TBXAS1: variants seen among roughly 807,000 people sequenced by gnomAD.
TBXAS1 encodes thromboxane A synthase 1, also known as thromboxane-A synthase.
In TBXAS1, 48 loss-of-function variants were observed where a neutral mutation model predicts 60.7. That is an observed-to-expected ratio of 0.79 (90% CI 0.63 to 1.01). The LOEUF (loss-of-function observed/expected upper bound fraction) is 1.01. Among genes scored for constraint, TBXAS1 ranks in the 50% least tolerant of loss-of-function variants. The pLI, the probability that TBXAS1 is intolerant of heterozygous loss-of-function variation, is 0.00. For synonymous variants in TBXAS1, 287 were observed against 269.7 expected (o/e 1.06, Z -0.63); for missense variants, 685 against 686.3 (o/e 1.00, Z 0.02).
At chr7:139,828,219 G>A (rs1468256113), upstream of TBXAS1, among the ~76,000 whole-genome samples, 1 of 152,026 alleles carries the variant, frequency 6.6e-6, no homozygotes, top group Non-Finnish European at 1.5e-5. Flanking sequence ...GGGTTAATTT[G>A]AAGACCTTGT....
intron 1 of TBXAS1, among the ~76,000 whole-genome samples, chr7:139,862,085 T>A (rs1801011979): frequency 6.6e-6 from 1 of 152,174 alleles, no homozygotes; most frequent in African/African-American, 2.4e-5. Context: ...GACAACAGAT[T>A]TAGTGGGTAA....
intron 4 of TBXAS1, among the ~76,000 whole-genome samples, chr7:139,932,943 G>A (rs1807450518): frequency 6.6e-6 from 1 of 152,160 alleles, no homozygotes; most frequent in Non-Finnish European, 1.5e-5. Flanking sequence ...TCTAGTCCCA[G>A]CTACTCAGGA....
At position 139,852,182 on chromosome 7, in the gene TBXAS1, C is replaced by G. The variant is rs1800263115; in HGVS notation, c.90-20053C>G. ...CTGTGAGATAATGAATGTTTGTTGT[C>G]TTCAGTCACTTAGGTCTGGGGGCAA... On this transcript the variant is annotated intron_variant, in intron 1 of 12. Transcript: ENST00000448866. The surrounding 1 kb of genome is among the most constrained non-coding windows in gnomAD (Gnocchi z 4.4). Among the ~76,000 whole-genome samples, 1 of 152,216 alleles carries G rather than the reference C, an allele frequency of 6.6e-6. No homozygotes were observed. The highest frequency in any genetic ancestry group is 2.1e-4 in the South Asian group (1 of 4,826).
rs1461692307 is a variant in TBXAS1, at chr7:139,876,588, G to A, written c.236+951G>A. On this transcript the variant is annotated intron_variant, in intron 3 of 12. Transcript: ENST00000448866. Reference sequence around the variant, plus strand: ...TATCTCCATAGTATTCATGATGTCTGTTCTCCTGATACCCATTTTTGAAAG... The same window carrying A: ...TATCTCCATAGTATTCATGATGTCTATTCTCCTGATACCCATTTTTGAAAG... Among the ~76,000 whole-genome samples, 6 of 152,048 alleles carry A rather than the reference G, an allele frequency of 3.9e-5. No individual in the cohort carries two copies. The South Asian group carries it at 1.0e-3, about 26-fold the overall frequency.
rs575213586 is a variant in TBXAS1 at position 139,969,761 on chromosome 7, G to A, written c.1134+7528G>A. Reference sequence around the variant, plus strand: ...CCACAGTTGGTGAGGAGTAAGTTCAGGAGTTCCCCATCAATTCAGTCCCCC... The same window carrying A: ...CCACAGTTGGTGAGGAGTAAGTTCAAGAGTTCCCCATCAATTCAGTCCCCC... On this transcript the variant is annotated intron_variant, in intron 9 of 12. Transcript: ENST00000448866. Among the ~76,000 whole-genome samples the A allele has an allele frequency of 2.6e-5, 4 of 152,240 alleles. No individual in the cohort carries two copies. The South Asian group carries it at 8.3e-4, about 32-fold the overall frequency.
chr7:139,981,066 G>A lies in TBXAS1; in HGVS notation c.1134+18833G>A, dbSNP rs548015895. On this transcript the variant is annotated intron_variant, in intron 9 of 12. Transcript: ENST00000448866. ...ACTAAGCAAAGCAGCCTGAAGATAG[G>A]CTGAAAGCACACATCTACGGATGGC... is the stretch of plus-strand genomic sequence containing the variant. 3.3e-5 allele frequency among the ~76,000 whole-genome samples: 5 copies of A among 152,214 alleles called. No homozygotes were observed. In the South Asian group the frequency reaches 1.0e-3, roughly 32 times the overall value.
At chr7:139,936,164 G>C (rs1283486304) in intron 4 of TBXAS1, 27 bp from the exon 5 acceptor site, 3 of 1,613,146 alleles carry the variant, frequency 1.9e-6, no homozygotes, top group Non-Finnish European at 1.7e-6. Flanking sequence ...CCTGAGTCCT[G>C]ACCCTCTGCT....
chr7:139,875,640 A>T lies in TBXAS1; in HGVS notation c.236+3A>T. On this transcript the variant is annotated splice_donor_region_variant and intron_variant, in intron 3 of 12. Transcript: ENST00000448866. ...AAGCTGTATGGACCTCTGTGTGGGT[A>T]AGAAGGAAACTCAACGTTTCTATTA... 1 of 1,609,062 alleles carries T rather than the reference A, an allele frequency of 6.2e-7. No individual in the cohort carries two copies. The highest frequency in any genetic ancestry group is 2.2e-5 in the East Asian group (1 of 44,886).
chr7:139,922,158 A>G (rs1806530751), intron 4 of TBXAS1, among the ~76,000 whole-genome samples: 2 of 147,354 alleles, frequency 1.4e-5, no homozygotes, highest in African/African-American at 2.5e-5. Flanking sequence ...CTGGAGTGCA[A>G]TGGTGTGATC....
intron 1 of TBXAS1, among the ~76,000 whole-genome samples, chr7:139,851,806 C>A (rs182566802): frequency 2.4e-4 from 37 of 152,344 alleles, no homozygotes; most frequent in Non-Finnish European, 4.4e-5. Flanking sequence ...TGGTAGACAG[C>A]CTCCAAGAGG....
At chr7:139,793,187 C>T (rs1362959556) in intron 4 of TBXAS1, among the ~76,000 whole-genome samples, 6 of 152,088 alleles carry the variant, frequency 3.9e-5, no homozygotes, top group Non-Finnish European at 8.8e-5. Context: ...AAGGCTGTGG[C>T]GGGCAGAGCA....
chr7:139,792,936 G>A (rs1030629767), intron 4 of TBXAS1, among the ~76,000 whole-genome samples: 6 of 152,198 alleles, frequency 3.9e-5, no homozygotes, highest in African/African-American at 1.2e-4. Flanking sequence ...TGCTTGGTGC[G>A]AAGTAGGGTC....
At chr7:139,830,275 GA>G (rs1177711440) in intron 1 of TBXAS1, among the ~76,000 whole-genome samples, 1 of 152,122 alleles carries the variant, frequency 6.6e-6, no homozygotes, top group African/African-American at 2.4e-5. Context: ...AAAGTGAGTG[GA>G]AAAAATAATG....
chr7:139,833,090 C>A (rs1585578110), intron 1 of TBXAS1, among the ~76,000 whole-genome samples: 2 of 151,456 alleles, frequency 1.3e-5, no homozygotes, highest in Non-Finnish European at 3.0e-5. Context: ...ACAAAAAAAA[C>A]CAAAGTACAG....
Position 139,955,509 on chromosome 7 carries a change from C to G in TBXAS1, c.590C>G (p.Thr197Ser). 6.2e-7 allele frequency: 1 copy of G among 1,614,220 alleles called. No homozygotes were observed. Among genetic ancestry groups the G allele is most frequent in the Non-Finnish European group, 8.5e-7 (1 of 1,180,036 alleles). The change falls in exon 7 of 13, where the codon ACC becomes AGC. Residue 197 changes from threonine to serine, a missense_variant. Thr to Ser is a moderately conservative substitution (Grantham distance 58). Transcript: ENST00000448866. Reference protein sequence around the residue: ...TDVVASVAFGTPVDSWQAPED... With the variant: ...TDVVASVAFGSPVDSWQAPED... ...GTGGTTGCCAGCGTCGCCTTTGGCA[C>G]CCCGGTGGACTCCTGGCAGGCCCCT...
chr7:140,017,431 AG>A, intron 11 of TBXAS1, among the ~76,000 whole-genome samples: 1 of 152,314 alleles, frequency 6.6e-6, no homozygotes, highest in Non-Finnish European at 1.5e-5. Flanking sequence ...AAGGAGAGGC[AG>A]GGAGGGAGCT....
chr7:139,846,956 T>A (rs1799856244), intron 1 of TBXAS1, among the ~76,000 whole-genome samples: 1 of 152,150 alleles, frequency 6.6e-6, no homozygotes, highest in Admixed American at 6.6e-5. Context: ...GCCACCTCTC[T>A]GGGCTTGATC....
chr7:139,900,837 C>T (rs1462787798), intron 3 of TBXAS1, among the ~76,000 whole-genome samples: 1 of 152,094 alleles, frequency 6.6e-6, no homozygotes, highest in Admixed American at 6.5e-5. Context: ...AGCTTTTCAC[C>T]CCAGCATCCA....
At chr7:139,880,073 G>A (rs923356406) in intron 3 of TBXAS1, among the ~76,000 whole-genome samples, 2 of 152,064 alleles carry the variant, frequency 1.3e-5, no homozygotes, top group Non-Finnish European at 1.5e-5. Context: ...TGGTAAAGAC[G>A]GGGCTTCAAC....
Sources: gnomAD v4.1 joint callset for allele counts (sites outside exome capture counted in the v4.1 genomes callset) on GRCh38, gnomAD v4.1.1 for gene constraint, Gnocchi (gnomAD v3.1) non-coding constraint, MANE v1.5 for transcripts, NCBI Gene and HGNC (gene_info 2026-07-23, HGNC 2026-07-21) for gene names.